Variants in RBM6 observed in about 807,000 individuals in gnomAD.
RBM6 encodes RNA-binding protein 6.
RBM6 carries 23 observed loss-of-function variants against 140.4 expected under a neutral mutation model. The observed-to-expected ratio is 0.16, with a 90% confidence interval of 0.12 to 0.23. The LOEUF (loss-of-function observed/expected upper bound fraction) is 0.23, where lower values mean the gene tolerates loss of function less well. RBM6 is among the 10% of genes least tolerant of loss of function. RBM6 has a pLI of 1.00. For synonymous variants in RBM6, 439 were observed against 475.6 expected (o/e 0.92, Z 1.00); for missense variants, 1,139 against 1,386.7 (o/e 0.82, Z 2.84).
At chr3:49,951,915 G>T (rs2083753516) in intron 1 of RBM6, among the ~76,000 whole-genome samples, 2 of 152,072 alleles carry the variant, frequency 1.3e-5, no homozygotes, top group African/African-American at 4.8e-5. Flanking sequence ...TAGAGACGGG[G>T]TTTCACCACA....
At chr3:49,946,537 G>T (rs564738986) in intron 1 of RBM6, among the ~76,000 whole-genome samples, 1 of 151,536 alleles carries the variant, frequency 6.6e-6, no homozygotes, top group Admixed American at 6.6e-5. Flanking sequence ...ACCGCGCCTG[G>T]CATTTTCTTT....
At chr3:49,950,838 T>C (rs924012025) in intron 1 of RBM6, among the ~76,000 whole-genome samples, 22 of 150,422 alleles carry the variant, frequency 1.5e-4, no homozygotes, top group African/African-American at 5.1e-4. Flanking sequence ...TGGATATATA[T>C]CCAAAATAAT....
chr3:50,061,252 CTT>C, intron 13 of RBM6, 31 bp downstream of exon 13: 1 of 1,613,042 alleles, frequency 6.2e-7, no homozygotes, highest in Non-Finnish European at 8.5e-7. Context: ...TTCTGTTGCT[CTT>C]TTTTGCTTGA....
At chr3:49,952,400 A>C (rs1437487683) in intron 1 of RBM6, among the ~76,000 whole-genome samples, 1 of 151,928 alleles carries the variant, frequency 6.6e-6, no homozygotes, top group Non-Finnish European at 1.5e-5. Flanking sequence ...TCCTGACCTC[A>C]AGTGATCTGC....
intron 5 of RBM6, among the ~76,000 whole-genome samples, chr3:49,990,249 C>T (rs1470600296): frequency 6.6e-6 from 1 of 152,128 alleles, no homozygotes; most frequent in Admixed American, 6.6e-5. Context: ...GCCTACTATA[C>T]AGCTAGGCTA....
At chr3:50,033,081 G>A (rs1256970050) in intron 6 of RBM6, among the ~76,000 whole-genome samples, 1 of 151,730 alleles carries the variant, frequency 6.6e-6, no homozygotes, top group Non-Finnish European at 1.5e-5. Context: ...CAGATCACCT[G>A]AGGTCAGGAG....
At chr3:50,064,616 G>A (rs956599164) in intron 15 of RBM6, among the ~76,000 whole-genome samples, 4 of 151,878 alleles carry the variant, frequency 2.6e-5, no homozygotes, top group Non-Finnish European at 5.9e-5. Flanking sequence ...GGTTCCAGCA[G>A]TTCTTCTACC....
intron 6 of RBM6, among the ~76,000 whole-genome samples, chr3:50,037,651 T>C (rs1341925874): frequency 6.6e-6 from 1 of 152,064 alleles, no homozygotes; most frequent in Non-Finnish European, 1.5e-5. Flanking sequence ...TTATTTTTTT[T>C]CCCATTAAAA....
chr3:50,052,026 A>G (rs2089488237), intron 7 of RBM6, among the ~76,000 whole-genome samples: 1 of 152,214 alleles, frequency 6.6e-6, no homozygotes, highest in South Asian at 2.1e-4. Flanking sequence ...ATTTACTAAA[A>G]ATCATTGAAT....
At chr3:50,022,370 G>C (rs1161902944) in intron 6 of RBM6, among the ~76,000 whole-genome samples, 2 of 149,124 alleles carry the variant, frequency 1.3e-5, no homozygotes, top group Non-Finnish European at 3.0e-5. Context: ...CACCCTTGTT[G>C]CCCAGGCTAG....
chr3:50,069,403 T>C (rs776359141), intron 18 of RBM6, among the ~76,000 whole-genome samples: 3 of 151,676 alleles, frequency 2.0e-5, no homozygotes, highest in Non-Finnish European at 4.4e-5. Context: ...TCCCAGCTAC[T>C]TGAGAGGCTG....
rs183446545 is a variant in RBM6 at position 50,065,223 on chromosome 3, G to A, written c.2682+97G>A. On this transcript the variant is annotated intron_variant, in intron 16 of 20. Coordinates refer to ENST00000266022, the MANE Select transcript of RBM6 (RefSeq NM_005777.3). ...AAGGCTGATGCCTTCCTCTGGTGTT[G>A]GTCTTTTACCTCACTATGTCTCCCG... The A allele has an allele frequency of 4.1e-5, 36 of 872,158 alleles. No homozygotes were observed. The East Asian group carries it at 8.9e-4, about 21-fold the overall frequency. 54.0% of individuals were successfully genotyped at this position (872,158 alleles called of 1,614,324 possible).
intron 1 of RBM6, among the ~76,000 whole-genome samples, chr3:49,947,761 A>G (rs1387223031): frequency 1.3e-5 from 2 of 152,102 alleles, no homozygotes; most frequent in Non-Finnish European, 2.9e-5. Context: ...TTGTTGTGTA[A>G]GAGTCCCACT....
intron 6 of RBM6, among the ~76,000 whole-genome samples, chr3:50,000,563 G>A (rs755183822): frequency 1.3e-5 from 2 of 151,854 alleles, no homozygotes; most frequent in Non-Finnish European, 2.9e-5. Flanking sequence ...TGGGATTACA[G>A]GCATGCGCCA....
chr3:49,940,538 C>G (rs1244357632), intron 1 of RBM6: 1 of 155,328 alleles, frequency 6.4e-6, no homozygotes, highest in African/African-American at 2.4e-5. Flanking sequence ...TGTGCTCCTA[C>G]TCTTCGGAGC....
At chr3:50,036,793 T>C (rs952908573) in intron 6 of RBM6, among the ~76,000 whole-genome samples, 1 of 152,152 alleles carries the variant, frequency 6.6e-6, no homozygotes, top group Admixed American at 6.6e-5. Flanking sequence ...TCCTTTCTTT[T>C]TTTTTGGAGA....
At chr3:49,952,032 A>G (rs2083759216) in intron 1 of RBM6, among the ~76,000 whole-genome samples, 1 of 146,024 alleles carries the variant, frequency 6.8e-6, no homozygotes, top group African/African-American at 2.6e-5. Flanking sequence ...TGTTATTATT[A>G]TTATTTTTAT....
chr3:50,000,871 T>A (rs2086295427), intron 6 of RBM6, among the ~76,000 whole-genome samples: 1 of 152,190 alleles, frequency 6.6e-6, no homozygotes, highest in Non-Finnish European at 1.5e-5. Flanking sequence ...GTTCTCCTCT[T>A]ATGGGTATGG....
chr3:49,975,463 C>T (rs1397365349), intron 5 of RBM6, 71 bp downstream of exon 5: 3 of 1,304,772 alleles, frequency 2.3e-6, no homozygotes, highest in Non-Finnish European at 3.3e-6. Context: ...TCATGTGCTA[C>T]TTAAAATTTG....
Sources: allele counts gnomAD v4.1 joint callset (sites outside exome capture counted in the v4.1 genomes callset), GRCh38; gene constraint gnomAD v4.1.1; transcripts MANE v1.5; gene names NCBI Gene and HGNC (gene_info 2026-07-23, HGNC 2026-07-21).